RARB: variants seen among roughly 807,000 people sequenced by gnomAD.
The protein encoded by RARB is HBV-activated protein.
RARB carries 17 observed loss-of-function variants against 51.9 expected under a neutral mutation model. The ratio of observed to expected loss-of-function variants is 0.33; its 90% CI spans 0.22 to 0.49. The LOEUF (loss-of-function observed/expected upper bound fraction) is 0.49. RARB is among the 20% of genes least tolerant of loss of function. The pLI is 0.99. For missense variants in RARB, 369 were observed against 550.8 expected, an observed-to-expected ratio of 0.67 and a Z score of 3.30; for synonymous variants, 215 against 195.4, an observed-to-expected ratio of 1.10 and a Z score of -0.84.
At chr3:25,097,523 A>G (rs1005334488) in intron 3 of RARB, among the ~76,000 whole-genome samples, 17 of 152,216 alleles carry the variant, frequency 1.1e-4, no homozygotes, top group Non-Finnish European at 2.1e-4. Flanking sequence ...GCATGCCTAT[A>G]GGCCCAGCTA....
intron 5 of RARB, among the ~76,000 whole-genome samples, chr3:25,232,034 A>G (rs1702189773): frequency 6.6e-6 from 1 of 152,102 alleles, no homozygotes; most frequent in Non-Finnish European, 1.5e-5. Flanking sequence ...ATTTAGATCT[A>G]TGAGGTATTG....
chr3:25,408,938 G>A (rs1707487390), intron 5 of RARB, among the ~76,000 whole-genome samples: 2 of 152,152 alleles, frequency 1.3e-5, no homozygotes, highest in South Asian at 4.2e-4. Flanking sequence ...GGGGGCTGAG[G>A]CAGGAGAACC....
intron 2 of RARB, among the ~76,000 whole-genome samples, chr3:24,988,728 A>C (rs116987891): frequency 0.012 from 1,837 of 152,364 alleles, 27 homozygotes; most frequent in East Asian, 0.087. Flanking sequence ...ACATAGGTCT[A>C]ATTCATCAGA....
chr3:25,495,197 G>C (rs1056186171), intron 2 of RARB, among the ~76,000 whole-genome samples: 1 of 152,088 alleles, frequency 6.6e-6, no homozygotes, highest in African/African-American at 2.4e-5. Flanking sequence ...GGTGAAACGG[G>C]GTTCATGTGT....
intron 5 of RARB, among the ~76,000 whole-genome samples, chr3:25,264,015 T>C (rs918242926): frequency 1.3e-5 from 2 of 152,128 alleles, no homozygotes; most frequent in Non-Finnish European, 2.9e-5. Context: ...GGCAACAGAA[T>C]TCATACGTTT....
chr3:25,238,088 T>A (rs1702344501), intron 5 of RARB, among the ~76,000 whole-genome samples: 1 of 152,100 alleles, frequency 6.6e-6, no homozygotes, highest in Non-Finnish European at 1.5e-5. Context: ...AACATTAGAA[T>A]TTATTCCTTC....
intron 2 of RARB, among the ~76,000 whole-genome samples, chr3:24,909,835 G>T (rs1694950030): frequency 6.6e-6 from 1 of 152,046 alleles, no homozygotes; most frequent in Non-Finnish European, 1.5e-5. Context: ...GTAGGGCATA[G>T]AATTTTAATG....
intron 5 of RARB, among the ~76,000 whole-genome samples, chr3:25,364,675 A>C (rs1025045995): frequency 2.0e-5 from 3 of 152,248 alleles, no homozygotes; most frequent in African/African-American, 7.2e-5. Context: ...CTTGAATGCC[A>C]CAGTGAAGGT....
intron 5 of RARB, among the ~76,000 whole-genome samples, chr3:25,184,101 T>A (rs1382473206): frequency 6.6e-6 from 1 of 151,892 alleles, no homozygotes; most frequent in African/African-American, 2.4e-5. Context: ...GAATCAAACT[T>A]AATAATATGA....
Position 25,102,382 on chromosome 3 carries a change from A to G in RARB, c.-327-29779A>G, listed in dbSNP as rs370873589. 4.6e-3 allele frequency among the ~76,000 whole-genome samples: 703 copies of G among 152,012 alleles called. 6 individuals carry two copies. The highest frequency in any genetic ancestry group is 0.015 in the African/African-American group (630 of 41,492). ...ATGGTGCAACCCTGTCTCTACTAAAAATACAAAAATTAGTCAGGCATGGTG... is the reference window on the plus strand; with the variant it reads ...ATGGTGCAACCCTGTCTCTACTAAAGATACAAAAATTAGTCAGGCATGGTG... On this transcript the variant is annotated intron_variant, in intron 3 of 11. Transcript: ENST00000383772.
chr3:25,556,007 A>ATTTTTTTTT (rs35199932), intron 3 of RARB, among the ~76,000 whole-genome samples: 3 of 149,012 alleles, frequency 2.0e-5, no homozygotes, highest in Non-Finnish European at 4.5e-5. Flanking sequence ...GACATCTTGT[A>ATTTTTTTTT]TTTTTTTTTT....
intron 2 of RARB, among the ~76,000 whole-genome samples, chr3:24,917,777 T>C (rs1007090294): frequency 3.9e-5 from 6 of 152,336 alleles, no homozygotes; most frequent in African/African-American, 1.4e-4. Flanking sequence ...TCTGCCTCCT[T>C]CGGCGTCCTA....
intron 2 of RARB, among the ~76,000 whole-genome samples, chr3:24,959,596 G>A (rs1000456539): frequency 6.6e-6 from 1 of 152,230 alleles, no homozygotes; most frequent in Non-Finnish European, 1.5e-5. Flanking sequence ...ACATGGGGCT[G>A]AGGTTCCAGG....
intron 5 of RARB, among the ~76,000 whole-genome samples, chr3:25,294,576 A>C (rs1703872225): frequency 6.6e-6 from 1 of 152,164 alleles, no homozygotes; most frequent in South Asian, 2.1e-4. Context: ...CTACAGGAAG[A>C]GATGGTGCTG....
In RARB at chr3:25,015,041, C is replaced by T. The variant is rs548854475; in HGVS notation, c.-379-45084C>T. 3.3e-5 allele frequency among the ~76,000 whole-genome samples: 5 copies of T among 152,234 alleles called. No individual in the cohort carries two copies. The South Asian group carries it at 1.0e-3, about 32-fold the overall frequency. ...TATCTACAAACAGATTTGAAGTGCT[C>T]GTAATCAGGACTTTTCCACATTTTG... On this transcript the variant is annotated intron_variant, in intron 2 of 11. Coordinates refer to the RARB transcript ENST00000383772.
At chr3:25,234,960 T>G (rs1702269422) in intron 5 of RARB, among the ~76,000 whole-genome samples, 1 of 152,026 alleles carries the variant, frequency 6.6e-6, no homozygotes, top group Admixed American at 6.6e-5. Context: ...GAGCAGGACT[T>G]GGGAGAAAAA....
intron 2 of RARB, among the ~76,000 whole-genome samples, chr3:25,046,909 C>G (rs1006405425): frequency 1.3e-5 from 2 of 152,162 alleles, no homozygotes; most frequent in Non-Finnish European, 2.9e-5. Context: ...GATGTGCACT[C>G]AGCCACTGCT....
chr3:25,042,254 C>T (rs1356158805), intron 2 of RARB, among the ~76,000 whole-genome samples: 3 of 152,202 alleles, frequency 2.0e-5, no homozygotes, highest in Non-Finnish European at 2.9e-5. Flanking sequence ...ATCTCCCAAA[C>T]TCTACTTGTT....
rs146505198 is a variant in RARB at position 25,586,256 on chromosome 3, G to A, written c.786+5534G>A. On this transcript the variant is annotated intron_variant, in intron 5 of 7. Coordinates refer to ENST00000330688, the MANE Select transcript of RARB (RefSeq NM_000965.5). ...CCATCTCTTCAGAAAAGCCTTCTCC[G>A]ACCAGCCACCCGATTCCTCCCTCAC... Among the ~76,000 whole-genome samples, 8 of 151,958 alleles carry A rather than the reference G, an allele frequency of 5.3e-5. No individual in the cohort carries two copies. In the Middle Eastern group the frequency reaches 0.014, roughly 258 times the overall value.
Sources: gnomAD v4.1 joint callset for allele counts (sites outside exome capture counted in the v4.1 genomes callset) on GRCh38, gnomAD v4.1.1 for gene constraint, MANE v1.5 for transcripts, NCBI Gene and HGNC (gene_info 2026-07-23, HGNC 2026-07-21) for gene names.